The following GAS7 variants were observed in gnomAD, a reference collection of about 807,000 sequenced individuals.
GAS7 encodes the protein growth arrest-specific protein 7.
In GAS7, 28 loss-of-function variants were observed where a neutral mutation model predicts 71.1. The ratio of observed to expected loss-of-function variants is 0.39; its 90% CI spans 0.29 to 0.54. GAS7 has a LOEUF of 0.54. Among genes scored for constraint, GAS7 ranks in the 20% least tolerant of loss-of-function variants. GAS7 has a pLI of 0.62. For synonymous variants in GAS7, 258 were observed against 245.8 expected (o/e 1.05, Z -0.46); for missense variants, 436 against 627.8 (o/e 0.69, Z 3.27).
intron 1 of GAS7, among the ~76,000 whole-genome samples, chr17:10,100,153 C>T (rs944664271): frequency 1.3e-5 from 2 of 152,262 alleles, no homozygotes; most frequent in Non-Finnish European, 2.9e-5. Context: ...TATAATTGAA[C>T]TGAACAATTG....
chr17:9,977,821 C>T (rs572572932), intron 3 of GAS7, among the ~76,000 whole-genome samples: 4 of 152,320 alleles, frequency 2.6e-5, no homozygotes, highest in African/African-American at 9.6e-5. Flanking sequence ...CTGGCTGCCT[C>T]TGCTTACCAG....
Position 10,088,220 on chromosome 17 carries a change from CAATAATAAT to C in GAS7, c.184-68332_184-68324del, listed in dbSNP as rs58029258. On this transcript the variant is annotated intron_variant, in intron 1 of 13. Transcript: ENST00000432992. ...GGGGCAACAGAGCGAGACTCTATCT[CAATAATAAT>C]AATAATAATAATAATAATAATAATA... is the stretch of plus-strand genomic sequence containing the variant. Among the ~76,000 whole-genome samples the C allele has an allele frequency of 2.4e-3, 335 of 137,808 alleles. 2 individuals carry two copies. Among genetic ancestry groups the C allele is most frequent in the South Asian group, 0.012 (51 of 4,170 alleles). The allele number at this position is 137,808 out of a possible 152,430, so 90.4% of individuals were successfully genotyped here. A position where few individuals can be genotyped will look rare whatever the true frequency, so the allele number is the denominator to read the frequency against.
chr17:10,176,094 C>T (rs2074372561), intron 1 of GAS7, among the ~76,000 whole-genome samples: 1 of 152,232 alleles, frequency 6.6e-6, no homozygotes, highest in South Asian at 2.1e-4. Context: ...GAACACACCT[C>T]GAGCCTTAGA....
At chr17:10,112,744 AC>A (rs2073825244) in intron 1 of GAS7, among the ~76,000 whole-genome samples, 1 of 98,380 alleles carries the variant, frequency 1.0e-5, no homozygotes, top group African/African-American at 3.7e-5. Context: ...CATCTCAAAA[AC>A]AAACAAAGAA....
intron 1 of GAS7, among the ~76,000 whole-genome samples, chr17:10,151,513 A>G (rs2074166436): frequency 6.6e-6 from 1 of 152,116 alleles, no homozygotes; most frequent in East Asian, 1.9e-4. Context: ...TGTGATTATA[A>G]GAGTCTATCA....
intron 1 of GAS7, among the ~76,000 whole-genome samples, chr17:10,037,311 C>T (rs1369510045): frequency 6.6e-6 from 1 of 152,192 alleles, no homozygotes; most frequent in Admixed American, 6.5e-5. Context: ...GGCTTGGATC[C>T]TTCATGAATA....
intron 1 of GAS7, among the ~76,000 whole-genome samples, chr17:10,022,897 G>A (rs2072324523): frequency 6.6e-6 from 1 of 152,234 alleles, no homozygotes; most frequent in South Asian, 2.1e-4. Context: ...GCTGGCCAGT[G>A]CGTTCTGGTG....
At chr17:10,194,160 T>C (rs929275482) in intron 1 of GAS7, among the ~76,000 whole-genome samples, 6 of 152,214 alleles carry the variant, frequency 3.9e-5, no homozygotes, top group African/African-American at 1.4e-4. Context: ...GAAAAGGCTC[T>C]TTTTAGGAAA....
At chr17:10,017,411 T>C (rs192443425) in intron 2 of GAS7, among the ~76,000 whole-genome samples, 183 of 151,748 alleles carry the variant, frequency 1.2e-3, no homozygotes, top group African/African-American at 4.3e-3. Context: ...TCACTGCAAC[T>C]TCCACCTCAC....
intron 1 of GAS7, among the ~76,000 whole-genome samples, chr17:10,160,167 A>G (rs935789239): frequency 1.3e-5 from 2 of 152,128 alleles, no homozygotes; most frequent in Non-Finnish European, 2.9e-5. Context: ...CAGCCTCCCA[A>G]GGTGCTGGGA....
At chr17:9,947,833 C>CAA (rs10618544) in intron 5 of GAS7, among the ~76,000 whole-genome samples, 3 of 95,810 alleles carry the variant, frequency 3.1e-5, no homozygotes, top group Non-Finnish European at 8.0e-5. Context: ...AGGTTAAAAA[C>CAA]AAAAAAAAAA....
chr17:10,122,264 C>T (rs2073910717), intron 1 of GAS7, among the ~76,000 whole-genome samples: 1 of 152,192 alleles, frequency 6.6e-6, no homozygotes, highest in African/African-American at 2.4e-5. Context: ...ATTCATCCTT[C>T]CCTCCCACTG....
At chr17:10,141,568 C>G (rs1172080524) in intron 1 of GAS7, among the ~76,000 whole-genome samples, 4 of 152,148 alleles carry the variant, frequency 2.6e-5, no homozygotes, top group African/African-American at 7.2e-5. Context: ...CCACAGAGCC[C>G]GGCTCCAAAG....
intron 1 of GAS7, among the ~76,000 whole-genome samples, chr17:10,102,556 G>A (rs1411742415): frequency 6.6e-6 from 1 of 152,092 alleles, no homozygotes; most frequent in African/African-American, 2.4e-5. Flanking sequence ...CACGTTCTAG[G>A]GGCAGCCCTG....
intron 11 of GAS7, 147 bp downstream of exon 11, chr17:9,925,329 G>C (rs991119961): frequency 1.3e-6 from 1 of 774,432 alleles, no homozygotes; most frequent in African/African-American, 1.7e-5. Context: ...AGGGAAGAGG[G>C]GGTACCTCCT....
chr17:10,021,336 C>T (rs1351679576), intron 1 of GAS7, among the ~76,000 whole-genome samples: 1 of 152,032 alleles, frequency 6.6e-6, no homozygotes, highest in Non-Finnish European at 1.5e-5. Flanking sequence ...CAGAGACACA[C>T]AGCTCCCAGG....
At chr17:10,128,241 G>A (rs754945717) in intron 1 of GAS7, among the ~76,000 whole-genome samples, 4 of 152,230 alleles carry the variant, frequency 2.6e-5, no homozygotes, top group African/African-American at 7.2e-5. Context: ...TGCAGACTTC[G>A]AGAGGAAACA....
At chr17:9,949,697 C>T (rs550755680) in intron 5 of GAS7, among the ~76,000 whole-genome samples, 29 of 152,316 alleles carry the variant, frequency 1.9e-4, no homozygotes, top group African/African-American at 6.7e-4. Context: ...ATGACGTGGA[C>T]GACCCTGGAG....
chr17:10,181,932 C>A (rs1303875794), intron 1 of GAS7, among the ~76,000 whole-genome samples: 1 of 152,152 alleles, frequency 6.6e-6, no homozygotes, highest in Non-Finnish European at 1.5e-5. Context: ...TGCTAAATGA[C>A]ACTCCCACCA....
Sources: allele counts gnomAD v4.1 joint callset (sites outside exome capture counted in the v4.1 genomes callset), GRCh38; gene constraint gnomAD v4.1.1; transcripts MANE v1.5; gene names NCBI Gene and HGNC (gene_info 2026-07-23, HGNC 2026-07-21).